The following GNG7 variants were observed in gnomAD, a reference collection of about 807,000 sequenced individuals.
GNG7 encodes the protein guanine nucleotide-binding protein G(I)/G(S)/G(O) subunit gamma-7.
A neutral mutation model predicts 4.0 loss-of-function variants in GNG7; 1 was observed. The observed-to-expected ratio is 0.25, with a 90% CI of 0.09 to 1.18. GNG7 has a LOEUF of 1.18. Among genes scored for constraint, GNG7 ranks in the 50% most tolerant of loss-of-function variants. The pLI is 0.50. For missense variants in GNG7, 86 were observed against 91.9 expected (o/e 0.94, Z 0.26); for synonymous variants, 34 against 36.9 (o/e 0.92, Z 0.29).
chr19:2,608,752 C>T (rs1355473737), intron 2 of GNG7, among the ~76,000 whole-genome samples: 3 of 152,178 alleles, frequency 2.0e-5, no homozygotes, highest in Admixed American at 2.0e-4. Context: ...TGCACTGAGG[C>T]TGTCAGGGGG....
chr19:2,637,052 A>C (rs1982329554), intron 2 of GNG7, among the ~76,000 whole-genome samples: 1 of 146,266 alleles, frequency 6.8e-6, no homozygotes, highest in Non-Finnish European at 1.5e-5. Context: ...CTGCACACCC[A>C]CTGCACCCCC....
intron 1 of GNG7, among the ~76,000 whole-genome samples, chr19:2,693,413 C>T (rs1489899966): frequency 8.2e-6 from 1 of 122,536 alleles, no homozygotes; most frequent in Non-Finnish European, 1.7e-5. Context: ...GAGACTCTGC[C>T]TCAAAAAAAA....
At chr19:2,687,041 C>T (rs1430580942) in intron 1 of GNG7, among the ~76,000 whole-genome samples, 2 of 150,200 alleles carry the variant, frequency 1.3e-5, no homozygotes, top group Middle Eastern at 3.5e-3. Flanking sequence ...CGTGAGCCAC[C>T]GCGCCTGGCC....
intron 4 of GNG7, among the ~76,000 whole-genome samples, chr19:2,516,675 C>T (rs906833232): frequency 5.9e-5 from 9 of 152,194 alleles, no homozygotes; most frequent in African/African-American, 1.9e-4. Context: ...GATAGGAAAA[C>T]GCTGCCTGCA....
chr19:2,591,473 T>G (rs1480066761), intron 2 of GNG7, among the ~76,000 whole-genome samples: 1 of 109,678 alleles, frequency 9.1e-6, no homozygotes, highest in African/African-American at 3.6e-5. Context: ...TTTTTTTTTT[T>G]TTAAGGGAGA....
chr19:2,579,486 T>C (rs975611720), intron 2 of GNG7, among the ~76,000 whole-genome samples: 3 of 152,180 alleles, frequency 2.0e-5, no homozygotes, highest in Non-Finnish European at 4.4e-5. Context: ...CATGCGAGCC[T>C]CTGAAGCCCT....
chr19:2,622,851 C>T (rs62123734), intron 2 of GNG7, among the ~76,000 whole-genome samples: 10,598 of 151,822 alleles, frequency 0.07, 441 homozygotes, highest in African/African-American at 0.12. Context: ...GAGCTCAATG[C>T]GAGAGCAACG....
At chr19:2,595,990 C>A (rs1371683510) in intron 2 of GNG7, among the ~76,000 whole-genome samples, 1 of 152,084 alleles carries the variant, frequency 6.6e-6, no homozygotes, top group Non-Finnish European at 1.5e-5. Context: ...CGACTCTACG[C>A]TGCATGCTTG....
intron 1 of GNG7, among the ~76,000 whole-genome samples, chr19:2,676,658 C>T (rs182113869): frequency 6.6e-6 from 1 of 152,258 alleles, no homozygotes; most frequent in Admixed American, 6.5e-5. Context: ...TCAAGTGATC[C>T]TCCCGCCTCG....
intron 3 of GNG7, among the ~76,000 whole-genome samples, chr19:2,550,919 C>T (rs1338403988): frequency 6.6e-5 from 10 of 152,298 alleles, no homozygotes; most frequent in Admixed American, 1.3e-4. Flanking sequence ...GGGGATGGCC[C>T]GGCTGCTGGG....
chr19:2,524,481 T>C (rs1978333051), intron 3 of GNG7, among the ~76,000 whole-genome samples: 1 of 152,224 alleles, frequency 6.6e-6, no homozygotes, highest in Non-Finnish European at 1.5e-5. Flanking sequence ...TGTATGTGTG[T>C]ATGTGTATAC....
chr19:2,515,237 G>T, intron 4 of GNG7, 90 bp from the exon 5 acceptor site: 2 of 1,544,468 alleles, frequency 1.3e-6, no homozygotes, highest in Non-Finnish European at 8.8e-7. Flanking sequence ...AAGAGCCACA[G>T]GCGGAAACAG....
At chr19:2,525,387 G>C (rs574341547) in intron 3 of GNG7, among the ~76,000 whole-genome samples, 1 of 152,290 alleles carries the variant, frequency 6.6e-6, no homozygotes, top group Non-Finnish European at 1.5e-5. Context: ...GCCCGGCCCC[G>C]CGCTGGCCTC....
At chr19:2,540,291 C>T (rs1978915636) in intron 3 of GNG7, among the ~76,000 whole-genome samples, 1 of 151,954 alleles carries the variant, frequency 6.6e-6, no homozygotes, top group African/African-American at 2.4e-5. Context: ...GCTGGGACCA[C>T]AGGCACACAC....
Position 2,568,453 on chromosome 19 carries a change from T to TAC in GNG7, c.-77-13267_-77-13266dup, listed in dbSNP as rs754422677. On this transcript the variant is annotated intron_variant, in intron 2 of 4. Transcript: ENST00000382159. ...ATACATATACATACACACATACATATACATACACACACACATGCACATACA... is the reference window on the plus strand; with the variant it reads ...ATACATATACATACACACATACATATACACATACACACACACATGCACATACA... Among the ~76,000 whole-genome samples, 332 of 75,638 alleles carry TAC rather than the reference T, an allele frequency of 4.4e-3. 3 individuals are homozygous for TAC. The highest frequency in any genetic ancestry group is 9.0e-3 in the Non-Finnish European group (258 of 28,744). The allele number at this position is 75,638 out of a possible 152,430, so 49.6% of individuals were successfully genotyped here. A position where few individuals can be genotyped will look rare whatever the true frequency, so the allele number is the denominator to read the frequency against.
In GNG7 at chr19:2,609,588, C is replaced by A. The variant is rs1208229706; in HGVS notation, c.-78+36636G>T. On this transcript the variant is annotated intron_variant, in intron 2 of 4. Transcript: ENST00000382159. This position sits in a 1 kb window ranked among gnomAD's most constrained non-coding sequence, Gnocchi z 4.4. ...GCTGGGTGGATTGCAGTGATGTTTGCGCACCACGTCCCGAGTGCCAGAGCA... is the reference window on the plus strand; with the variant it reads ...GCTGGGTGGATTGCAGTGATGTTTGAGCACCACGTCCCGAGTGCCAGAGCA... Among the ~76,000 whole-genome samples the A allele has an allele frequency of 2.6e-5, 4 of 152,170 alleles. No individual in the cohort carries two copies. Among genetic ancestry groups the A allele is most frequent in the Admixed American group, 2.6e-4 (4 of 15,270 alleles).
intron 2 of GNG7, among the ~76,000 whole-genome samples, chr19:2,623,774 A>G (rs145379451): frequency 0.02 from 2,992 of 152,108 alleles, 99 homozygotes; most frequent in African/African-American, 0.068. Context: ...CCAGCTACTC[A>G]GGAGGCTGAA....
chr19:2,549,449 C>G (rs974950487), intron 3 of GNG7, among the ~76,000 whole-genome samples: 6 of 152,174 alleles, frequency 3.9e-5, no homozygotes, highest in African/African-American at 1.4e-4. Context: ...CGCCACCGCA[C>G]CCGGCTAATT....
intron 3 of GNG7, among the ~76,000 whole-genome samples, chr19:2,525,731 G>A (rs1270406111): frequency 6.6e-6 from 1 of 152,108 alleles, no homozygotes; most frequent in Admixed American, 6.6e-5. Flanking sequence ...AAAATGAAAA[G>A]AAATAAAAAT....
Sources: allele counts gnomAD v4.1 joint callset (sites outside exome capture counted in the v4.1 genomes callset), GRCh38; gene constraint gnomAD v4.1.1; non-coding constraint Gnocchi (gnomAD v3.1); transcripts MANE v1.5; gene names NCBI Gene and HGNC (gene_info 2026-07-23, HGNC 2026-07-21).